TTC28: variants seen among roughly 807,000 people sequenced by gnomAD.
TTC28 encodes tetratricopeptide repeat protein 28.
A neutral mutation model predicts 198.0 loss-of-function variants in TTC28; 61 were observed. The ratio of observed to expected loss-of-function variants is 0.31; its 90% confidence interval spans 0.25 to 0.38. The LOEUF (loss-of-function observed/expected upper bound fraction) is 0.38, where lower values mean the gene tolerates loss of function less well. TTC28 is among the 10% of genes least tolerant of loss of function. The probability of loss-of-function intolerance (pLI) is 1.00; values close to 1 mark genes in which losing one functional copy is unlikely to be tolerated. For synonymous variants in TTC28, 1,171 were observed against 1,297.8 expected (o/e 0.90, Z 2.10); for missense variants, 2,678 against 3,164.0 (o/e 0.85, Z 3.69).
At chr22:27,991,747 T>A (rs1378906368) in intron 19 of TTC28, among the ~76,000 whole-genome samples, 1 of 152,184 alleles carries the variant, frequency 6.6e-6, no homozygotes, top group Admixed American at 6.5e-5. Flanking sequence ...GTCCAGACCC[T>A]CACTGGCCAG....
chr22:28,219,662 CCT>C (rs1927698094), intron 5 of TTC28, among the ~76,000 whole-genome samples: 1 of 152,088 alleles, frequency 6.6e-6, no homozygotes, highest in South Asian at 2.1e-4. Context: ...CATTTTGACA[CCT>C]AACCAAAGAT....
In TTC28 at chr22:28,332,180, T is replaced by G. The variant is rs563656584; in HGVS notation, c.382-25537A>C. ...TTAAAAACTAGGTTCCACTTCATAA[T>G]CTGTCATCCTCTCTACCTTCTTTCA... is the stretch of plus-strand genomic sequence containing the variant. On this transcript the variant is annotated intron_variant, in intron 2 of 22. Coordinates refer to ENST00000397906, the MANE Select transcript of TTC28 (RefSeq NM_001145418.2). Among the ~76,000 whole-genome samples, 18 of 152,226 alleles carry G rather than the reference T, an allele frequency of 1.2e-4. No homozygotes were observed. In the East Asian group the frequency reaches 2.3e-3, roughly 20 times the overall value.
intron 1 of TTC28, among the ~76,000 whole-genome samples, chr22:28,670,900 T>C (rs995087577): frequency 6.6e-6 from 1 of 152,070 alleles, no homozygotes; most frequent in Non-Finnish European, 1.5e-5. Flanking sequence ...GCCACCCCAG[T>C]TGATGTAAAG....
rs1284932268 is a variant in TTC28 at position 28,605,834 on chromosome 22, T to A, written c.381+23718A>T. ...GTATCCCTTTTTAGGAAGATGTTGATCCAAGGATATAAAGTTTCAGTTAGA... is the reference window on the plus strand; with the variant it reads ...GTATCCCTTTTTAGGAAGATGTTGAACCAAGGATATAAAGTTTCAGTTAGA... On this transcript the variant is annotated intron_variant, in intron 2 of 22. Coordinates refer to ENST00000397906, the MANE Select transcript of TTC28 (RefSeq NM_001145418.2). Among the ~76,000 whole-genome samples, 7 of 152,178 alleles carry A rather than the reference T, an allele frequency of 4.6e-5. 2 individuals carry two copies. The highest frequency in any genetic ancestry group is 2.9e-5 in the Non-Finnish European group (2 of 68,040).
chr22:28,207,710 G>A (rs986910009), intron 5 of TTC28, among the ~76,000 whole-genome samples: 4 of 152,172 alleles, frequency 2.6e-5, no homozygotes, highest in African/African-American at 7.2e-5. Context: ...ACATGATCCA[G>A]GGACACGTGG....
chr22:28,372,097 C>T (rs925363499), intron 2 of TTC28, among the ~76,000 whole-genome samples: 1 of 151,854 alleles, frequency 6.6e-6, no homozygotes, highest in Non-Finnish European at 1.5e-5. Context: ...CCCCCTACCA[C>T]CTCCCCGCCT....
chr22:28,484,071 C>A (rs969679849), intron 2 of TTC28, among the ~76,000 whole-genome samples: 1 of 152,108 alleles, frequency 6.6e-6, no homozygotes. Flanking sequence ...TCCTATCACC[C>A]CCAAAGTTTT....
chr22:28,032,500 C>A (rs114228244), intron 12 of TTC28, among the ~76,000 whole-genome samples: 4 of 151,458 alleles, frequency 2.6e-5, no homozygotes, highest in Non-Finnish European at 5.9e-5. Flanking sequence ...AGGTATGCAA[C>A]GGGGAATTGC....
rs1450938742 is a variant in TTC28 at position 28,107,704 on chromosome 22, A to C, written c.2141T>G (p.Phe714Cys). Residue 714 changes from phenylalanine to cysteine, a missense_variant, in exon 7 of 23, where the codon TTT (phenylalanine) becomes TGT (cysteine). Phe to Cys is a radical substitution (Grantham distance 205). Coordinates refer to ENST00000397906, the MANE Select transcript of TTC28 (RefSeq NM_001145418.2). ...AQSLNNSQAKFRALGNLGDIF... is the reference protein window; with the variant it reads ...AQSLNNSQAKCRALGNLGDIF... Reference sequence around the variant, plus strand: ...ATCGCCCAGGTTTCCTAGGGCTCGAAATTTAGCCTGGGAATTATTCAGAGA... The same window carrying C: ...ATCGCCCAGGTTTCCTAGGGCTCGACATTTAGCCTGGGAATTATTCAGAGA... The C allele has an allele frequency of 6.4e-7, 1 of 1,551,744 alleles. No homozygotes were observed. Among genetic ancestry groups the C allele is most frequent in the Non-Finnish European group, 8.7e-7 (1 of 1,146,984 alleles).
intron 1 of TTC28, among the ~76,000 whole-genome samples, chr22:28,653,222 T>C (rs770599330): frequency 1.4e-4 from 22 of 152,008 alleles, no homozygotes; most frequent in Non-Finnish European, 2.8e-4. Flanking sequence ...ACATACCATA[T>C]GCTGAGCATG....
At chr22:28,491,665 C>T (rs886556776) in intron 2 of TTC28, among the ~76,000 whole-genome samples, 1 of 152,106 alleles carries the variant, frequency 6.6e-6, no homozygotes, top group African/African-American at 2.4e-5. Context: ...GTTGGTGGGA[C>T]TGTAAACTAG....
chr22:28,529,099 A>AGCAGG (rs1034253539), intron 2 of TTC28, among the ~76,000 whole-genome samples: 2 of 152,206 alleles, frequency 1.3e-5, no homozygotes, highest in East Asian at 1.9e-4. Flanking sequence ...TGTGAGCCGA[A>AGCAGG]GCAGGGCAGG....
At chr22:28,516,494 G>T (rs900852914) in intron 2 of TTC28, among the ~76,000 whole-genome samples, 1 of 151,602 alleles carries the variant, frequency 6.6e-6, no homozygotes, top group African/African-American at 2.4e-5. Context: ...ATCATTCTCA[G>T]CAAACTATCA....
chr22:28,620,193 T>C (rs1440182733), intron 2 of TTC28, among the ~76,000 whole-genome samples: 2 of 151,708 alleles, frequency 1.3e-5, no homozygotes, highest in African/African-American at 2.4e-5. Flanking sequence ...CTACTAAAAA[T>C]ATAAAAATTA....
intron 2 of TTC28, among the ~76,000 whole-genome samples, chr22:28,396,664 C>T (rs1217862412): frequency 6.6e-6 from 1 of 152,132 alleles, no homozygotes; most frequent in African/African-American, 2.4e-5. Flanking sequence ...GGCAAGAATG[C>T]CAAGTAAATG....
At chr22:28,626,750 G>A (rs902376764) in intron 2 of TTC28, among the ~76,000 whole-genome samples, 2 of 151,740 alleles carry the variant, frequency 1.3e-5, no homozygotes, top group Non-Finnish European at 2.9e-5. Flanking sequence ...CCTAAATTAG[G>A]TTTGCTTAAA....
intron 2 of TTC28, among the ~76,000 whole-genome samples, chr22:28,601,777 G>GACACACACACACACACACACAC (rs34208241): frequency 1.4e-5 from 2 of 141,484 alleles, no homozygotes; most frequent in Admixed American, 7.2e-5. Context: ...GTAAACCCTA[G>GACACACACACACACACACACAC]ACACACACAC....
At chr22:28,448,192 T>C (rs2047730103) in intron 2 of TTC28, among the ~76,000 whole-genome samples, 1 of 152,234 alleles carries the variant, frequency 6.6e-6, no homozygotes, top group Non-Finnish European at 1.5e-5. Context: ...CTTCATTTTT[T>C]AACATAGCAC....
Position 28,210,398 on chromosome 22 carries a change from T to C in TTC28, c.934-46799A>G, listed in dbSNP as rs113788884. On this transcript the variant is annotated intron_variant, in intron 5 of 22. Coordinates refer to ENST00000397906, the MANE Select transcript of TTC28 (RefSeq NM_001145418.2). ...AGAAGCTAAAAACCTTGAGAAAAGA[T>C]TGGACGAGTGGCTAACTAGAATAAA... Among the ~76,000 whole-genome samples, 9 of 152,188 alleles carry C rather than the reference T, an allele frequency of 5.9e-5. 1 individual carries two copies. The East Asian group carries it at 1.5e-3, about 26-fold the overall frequency.
Sources: allele counts gnomAD v4.1 joint callset (sites outside exome capture counted in the v4.1 genomes callset), GRCh38; gene constraint gnomAD v4.1.1; transcripts MANE v1.5; gene names NCBI Gene and HGNC (gene_info 2026-07-23, HGNC 2026-07-21).